PUM2: variants seen among roughly 807,000 people sequenced by gnomAD.
PUM2 encodes the protein pumilio homolog 2.
PUM2 carries 57 observed loss-of-function variants against 124.5 expected under a neutral mutation model. The observed-to-expected ratio is 0.46, with a 90% CI of 0.37 to 0.57. The LOEUF (loss-of-function observed/expected upper bound fraction) is 0.57, where lower values mean the gene tolerates loss of function less well. PUM2 is among the 20% of genes least tolerant of loss of function. PUM2 has a pLI of 0.00. For missense variants in PUM2, 1,065 were observed against 1,290.6 expected, an observed-to-expected ratio of 0.83 and a Z score of 2.68; for synonymous variants, 460 against 446.1, an observed-to-expected ratio of 1.03 and a Z score of -0.39.
At chr2:20,332,527 G>A (rs1209228396) in intron 1 of PUM2, among the ~76,000 whole-genome samples, 1 of 151,922 alleles carries the variant, frequency 6.6e-6, no homozygotes, top group Non-Finnish European at 1.5e-5. Context: ...CAAGACAATG[G>A]GAGACAAATA....
intron 1 of PUM2, among the ~76,000 whole-genome samples, chr2:20,336,431 C>T (rs1270065273): frequency 2.0e-5 from 3 of 151,794 alleles, no homozygotes; most frequent in African/African-American, 7.3e-5. Context: ...GTGATCTGCA[C>T]CTTGCCTTGG....
At chr2:20,330,819 G>C (rs767000205) in intron 1 of PUM2, among the ~76,000 whole-genome samples, 5 of 152,220 alleles carry the variant, frequency 3.3e-5, no homozygotes, top group Non-Finnish European at 7.3e-5. Context: ...ATCTGAAGTA[G>C]GGAGGAAGTC....
intron 5 of PUM2, 23 bp from the exon 6 acceptor site, chr2:20,308,607 C>A (rs1678902834): frequency 1.9e-6 from 3 of 1,562,444 alleles, no homozygotes; most frequent in Non-Finnish European, 2.6e-6. Flanking sequence ...AATAGAAAAG[C>A]ATTATGAATA....
chr2:20,311,086 G>C (rs1178620551), intron 5 of PUM2, among the ~76,000 whole-genome samples: 2 of 151,878 alleles, frequency 1.3e-5, no homozygotes, highest in African/African-American at 2.4e-5. Flanking sequence ...TTAAATGGGA[G>C]GCAGGGCATA....
intron 1 of PUM2, chr2:20,350,274 C>T (rs1573071663): frequency 5.5e-6 from 1 of 182,716 alleles, no homozygotes; most frequent in Non-Finnish European, 1.0e-5. Context: ...GCCGACAGCT[C>T]GGTCTCTAAC....
chr2:20,282,352 C>T (rs1671734006), intron 12 of PUM2, among the ~76,000 whole-genome samples: 1 of 152,038 alleles, frequency 6.6e-6, no homozygotes, highest in Non-Finnish European at 1.5e-5. Flanking sequence ...GAATAGATAC[C>T]CTTTTAAGTG....
intron 15 of PUM2, among the ~76,000 whole-genome samples, chr2:20,259,465 A>G (rs958209030): frequency 4.6e-5 from 7 of 152,210 alleles, no homozygotes; most frequent in Non-Finnish European, 1.0e-4. Context: ...TAGGCCCAGT[A>G]ACCCCTAATC....
At chr2:20,294,176 A>AT (rs1372387450) in intron 9 of PUM2, among the ~76,000 whole-genome samples, 200 bp downstream of exon 9, 4 of 152,242 alleles carry the variant, frequency 2.6e-5, no homozygotes, top group African/African-American at 9.6e-5. Context: ...CAGAAACTGA[A>AT]TATAACCAAA....
In PUM2 at chr2:20,282,118, C is replaced by T. The variant is rs7598044; in HGVS notation, c.1720+829G>A. On this transcript the variant is annotated intron_variant, in intron 12 of 20. Coordinates refer to ENST00000361078, the MANE Select transcript of PUM2 (RefSeq NM_015317.5). Reference sequence around the variant, plus strand: ...ATGAAGTAAAAGCTGCCAGCTGCACCGATAGAACTGGGTCAGCTGTTTTTT... The same window carrying T: ...ATGAAGTAAAAGCTGCCAGCTGCACTGATAGAACTGGGTCAGCTGTTTTTT... 4.9e-3 allele frequency among the ~76,000 whole-genome samples: 745 copies of T among 152,278 alleles called. 5 individuals are homozygous for T. The highest frequency in any genetic ancestry group is 0.016 in the African/African-American group (664 of 41,546).
chr2:20,256,598 T>C (rs1664819234), intron 16 of PUM2, among the ~76,000 whole-genome samples: 1 of 152,232 alleles, frequency 6.6e-6, no homozygotes, highest in Admixed American at 6.5e-5. Context: ...AAAGGAATTA[T>C]TTTTAATGGC....
At position 20,290,754 on chromosome 2, in the gene PUM2, G is replaced by T; in HGVS notation, c.1189C>A (p.Pro397Thr). The T allele has an allele frequency of 1.2e-6, 2 of 1,612,134 alleles. No individual in the cohort carries two copies. The highest frequency in any genetic ancestry group is 3.3e-4 in the Middle Eastern group (2 of 6,048). ...TGCTGCCCTTGCTGACCCTGATTGG[G>T]AGTAAGAGGACGCTGACCTGCTCCA... ...RAGAGQRPLT[P>T]NQGQQGQQAE... The change falls in exon 10 of 21, where the codon CCC (proline) becomes ACC (threonine). Residue 397 changes from proline to threonine, a missense_variant. Physicochemically the swap from Pro to Thr is conservative, Grantham distance 38 (BLOSUM62 -1). Around this residue, in one of 3 missense-constraint regions of PUM2, gnomAD observed 968 missense variants for 1,159.8 expected, o/e 0.83. Coordinates refer to ENST00000361078, the MANE Select transcript of PUM2 (RefSeq NM_015317.5).
chr2:20,323,435 G>A (rs1396033897), intron 2 of PUM2, among the ~76,000 whole-genome samples: 2 of 135,378 alleles, frequency 1.5e-5, no homozygotes, highest in Non-Finnish European at 3.1e-5. Context: ...GCGACAGAGC[G>A]AGACTCCATC....
chr2:20,296,459 C>T (rs1319504438), intron 8 of PUM2, among the ~76,000 whole-genome samples: 3 of 151,030 alleles, frequency 2.0e-5, no homozygotes, highest in Non-Finnish European at 4.4e-5. Context: ...CGTGCCACTG[C>T]ACTCCAGCCT....
intron 3 of PUM2, among the ~76,000 whole-genome samples, chr2:20,316,736 A>C (rs747107743): frequency 6.6e-5 from 10 of 152,052 alleles, no homozygotes. Flanking sequence ...AAAGTTTTAA[A>C]AATTAGCCAG....
chr2:20,280,688 G>T (rs1056416737), intron 12 of PUM2, among the ~76,000 whole-genome samples: 3 of 151,968 alleles, frequency 2.0e-5, no homozygotes, highest in African/African-American at 7.3e-5. Flanking sequence ...TAAAGAAGCT[G>T]GCTCTTTAAG....
chr2:20,307,685 A>C (rs1267881851), intron 7 of PUM2, among the ~76,000 whole-genome samples: 3 of 152,250 alleles, frequency 2.0e-5, no homozygotes, highest in Non-Finnish European at 4.4e-5. Context: ...GATAATGGAC[A>C]CAAGTAAATT....
At chr2:20,343,479 CTAG>C (rs928011010) in intron 1 of PUM2, among the ~76,000 whole-genome samples, 1 of 151,936 alleles carries the variant, frequency 6.6e-6, no homozygotes, top group African/African-American at 2.4e-5. Flanking sequence ...AGCAAATAAA[CTAG>C]TAAGTTTAAA....
chr2:20,324,673 C>T (rs972886186), intron 2 of PUM2, among the ~76,000 whole-genome samples: 4 of 152,028 alleles, frequency 2.6e-5, no homozygotes, highest in Non-Finnish European at 4.4e-5. Flanking sequence ...GTAGGTCTTT[C>T]GACAGAAACA....
chr2:20,312,537 A>G lies in PUM2; in HGVS notation c.161-114T>C, dbSNP rs569685898. 6.2e-6 allele frequency: 6 copies of G among 973,628 alleles called. No individual in the cohort carries two copies. The South Asian group carries it at 9.6e-5, about 16-fold the overall frequency. The allele number at this position is 973,628 out of a possible 1,614,324, so 60.3% of individuals were successfully genotyped here. A position where few individuals can be genotyped will look rare whatever the true frequency, so the allele number is the denominator to read the frequency against. ...AGCACATTGTTTTATTTTGAATGTT[A>G]TTACTATAATCTTTATATAAAGCTC... On this transcript the variant is annotated intron_variant, in intron 3 of 20. Coordinates refer to ENST00000361078, the MANE Select transcript of PUM2 (RefSeq NM_015317.5).
Sources: allele counts gnomAD v4.1 joint callset (sites outside exome capture counted in the v4.1 genomes callset), GRCh38; gene constraint gnomAD v4.1.1; regional missense constraint gnomAD v4.1.1; transcripts MANE v1.5; gene names NCBI Gene and HGNC (gene_info 2026-07-23, HGNC 2026-07-21).